SOCS5: variants seen among roughly 807,000 people sequenced by gnomAD.
SOCS5 encodes CIS-6.
A neutral mutation model predicts 42.8 loss-of-function variants in SOCS5; 32 were observed. The ratio of observed to expected loss-of-function variants is 0.75; its 90% CI spans 0.56 to 1.01. The LOEUF (loss-of-function observed/expected upper bound fraction) is 1.01, where lower values mean the gene tolerates loss of function less well. SOCS5 is among the 50% of genes least tolerant of loss of function. The pLI, the probability that SOCS5 is intolerant of heterozygous loss-of-function variation, is 0.00. For synonymous variants in SOCS5, 283 were observed against 229.6 expected, an observed-to-expected ratio of 1.23 and a Z score of -2.10; for missense variants, 627 against 653.0, an observed-to-expected ratio of 0.96 and a Z score of 0.43.
At chr2:46,731,806 A>G (rs1374670980) in intron 1 of SOCS5, among the ~76,000 whole-genome samples, 2 of 152,268 alleles carry the variant, frequency 1.3e-5, no homozygotes, top group Non-Finnish European at 2.9e-5. Context: ...TAGGAACCTA[A>G]TAAAAATGAT....
intron 1 of SOCS5, among the ~76,000 whole-genome samples, chr2:46,727,435 C>T (rs1250030143): frequency 6.6e-6 from 1 of 152,122 alleles, no homozygotes; most frequent in African/African-American, 2.4e-5. Context: ...TGGGCATCTT[C>T]AATATTACAT....
At chr2:46,745,395 C>T (rs1673475456) in intron 1 of SOCS5, among the ~76,000 whole-genome samples, 5 of 152,272 alleles carry the variant, frequency 3.3e-5, no homozygotes, top group East Asian at 1.9e-4. Flanking sequence ...GCTGACACTA[C>T]ATTTACATTG....
intron 1 of SOCS5, among the ~76,000 whole-genome samples, chr2:46,738,905 A>G (rs1324567525): frequency 6.6e-6 from 1 of 152,236 alleles, no homozygotes; most frequent in Non-Finnish European, 1.5e-5. Context: ...AGTAAGTAAG[A>G]TGCAGAACCA....
At chr2:46,720,182 A>G (rs1672848218) in intron 1 of SOCS5, among the ~76,000 whole-genome samples, 2 of 152,192 alleles carry the variant, frequency 1.3e-5, no homozygotes, top group Non-Finnish European at 2.9e-5. Context: ...AGATAATCCA[A>G]GTAAAGTGAT....
chr2:46,713,571 A>C (rs1225916738), intron 1 of SOCS5, among the ~76,000 whole-genome samples: 12 of 151,878 alleles, frequency 7.9e-5, no homozygotes, highest in African/African-American at 2.7e-4. Context: ...ATCTAACTTG[A>C]GAAAGGAATA....
intron 1 of SOCS5, among the ~76,000 whole-genome samples, chr2:46,725,305 A>G (rs1672967575): frequency 6.6e-6 from 1 of 152,034 alleles, no homozygotes; most frequent in Non-Finnish European, 1.5e-5. Flanking sequence ...CATCCTTTTC[A>G]AAAAAATCTA....
intron 1 of SOCS5, among the ~76,000 whole-genome samples, chr2:46,736,415 C>A (rs1673247543): frequency 6.6e-6 from 1 of 152,090 alleles, no homozygotes; most frequent in Non-Finnish European, 1.5e-5. Flanking sequence ...CCATCATCAC[C>A]ATCTATCTGC....
chr2:46,758,963 A>T lies in SOCS5; in HGVS notation c.433A>T (p.Thr145Ser), dbSNP rs143799189. ...SLDADKKFGR[T>S]RSGLQRRERR... ...GGATGCTGATAAAAAGTTTGGTAGA[A>T]CTCGAAGTGGACTTCAAAGGAGAGA... Residue 145 changes from threonine (T) to serine (S), a missense_variant, in exon 2 of 2, where the codon ACT becomes TCT. Coordinates refer to ENST00000394861, the MANE Select transcript of SOCS5 (RefSeq NM_144949.3). 2.5e-5 allele frequency: 40 copies of T among 1,613,976 alleles called. No individual in the cohort carries two copies. In the African/African-American group the frequency reaches 4.7e-4, roughly 19 times the overall value.
At chr2:46,734,417 T>C (rs1026471680) in intron 1 of SOCS5, among the ~76,000 whole-genome samples, 2 of 152,198 alleles carry the variant, frequency 1.3e-5, no homozygotes, top group Non-Finnish European at 2.9e-5. Flanking sequence ...GAAACCTGCA[T>C]ACAGGTATAG....
intron 1 of SOCS5, among the ~76,000 whole-genome samples, chr2:46,717,860 G>A (rs1672784440): frequency 6.6e-6 from 1 of 151,870 alleles, no homozygotes; most frequent in Non-Finnish European, 1.5e-5. Flanking sequence ...TAGTTGTTTG[G>A]TTCATACTGT....
Position 46,754,313 on chromosome 2 carries a change from A to G in SOCS5, c.-12-4206A>G, listed in dbSNP as rs184175855. Among the ~76,000 whole-genome samples, 3 of 152,202 alleles carry G rather than the reference A, an allele frequency of 2.0e-5. No individual in the cohort carries two copies. The East Asian group carries it at 5.8e-4, about 29-fold the overall frequency. ...GATGAATTCTTAGCTTAAAATCCTT[A>G]TAGATCTTTACAATATTTTTTCCAT... On this transcript the variant is annotated intron_variant, in intron 1 of 1. Coordinates refer to ENST00000394861, the MANE Select transcript of SOCS5 (RefSeq NM_144949.3).
chr2:46,699,228 G>A (rs1001066839), upstream of SOCS5: 4 of 152,434 alleles, frequency 2.6e-5, no homozygotes, highest in African/African-American at 9.6e-5. This position sits in a 1 kb window ranked among gnomAD's most constrained non-coding sequence, Gnocchi z 4.8. Flanking sequence ...GTGAAGAAGG[G>A]GAGGCGGCAG....
intron 1 of SOCS5, among the ~76,000 whole-genome samples, chr2:46,714,088 G>A (rs41444751): frequency 0.022 from 3,295 of 152,144 alleles, 128 homozygotes; most frequent in African/African-American, 0.075. Context: ...CTTGGTGAAC[G>A]TTCAATGTAT....
chr2:46,725,587 T>A (rs1275517241), intron 1 of SOCS5, among the ~76,000 whole-genome samples: 1 of 152,218 alleles, frequency 6.6e-6, no homozygotes, highest in African/African-American at 2.4e-5. Context: ...GTATTGTCTT[T>A]TATATTACAT....
At position 46,760,347 on chromosome 2, in the gene SOCS5, A is replaced by G. The variant is rs988175512; in HGVS notation, c.*206A>G. 21 of 499,236 alleles carry G rather than the reference A, an allele frequency of 4.2e-5. No individual in the cohort carries two copies. The South Asian group carries it at 6.1e-4, about 15-fold the overall frequency. The allele number at this position is 499,236 out of a possible 1,614,324, so 30.9% of individuals were successfully genotyped here. On this transcript the variant is annotated 3_prime_UTR_variant, in exon 2 of 2. Transcript: ENST00000394861. ...ATAGCGGATAGAGCTACAGGTGTTCAGTAAGACTACAAAAACATTTTGCCT... is the reference window on the plus strand; with the variant it reads ...ATAGCGGATAGAGCTACAGGTGTTCGGTAAGACTACAAAAACATTTTGCCT...
chr2:46,749,677 G>C (rs183434705), intron 1 of SOCS5, among the ~76,000 whole-genome samples: 1 of 152,242 alleles, frequency 6.6e-6, no homozygotes, highest in Non-Finnish European at 1.5e-5. Context: ...CCCTCCAAAT[G>C]AATAAGGACT....
chr2:46,746,750 A>G (rs935290460), intron 1 of SOCS5, among the ~76,000 whole-genome samples: 2 of 151,784 alleles, frequency 1.3e-5, no homozygotes, highest in African/African-American at 4.8e-5. Flanking sequence ...AGTACGGTAT[A>G]TAGTTATGTA....
At chr2:46,740,491 GA>G (rs1356688802) in intron 1 of SOCS5, among the ~76,000 whole-genome samples, 1 of 152,182 alleles carries the variant, frequency 6.6e-6, no homozygotes, top group African/African-American at 2.4e-5. Context: ...AAGAAATAGA[GA>G]TTGGCAGTTA....
At chr2:46,749,168 C>G (rs1353710559) in intron 1 of SOCS5, among the ~76,000 whole-genome samples, 2 of 152,122 alleles carry the variant, frequency 1.3e-5, no homozygotes. Flanking sequence ...GTTGGTTTGC[C>G]TAACGGAAGT....
Sources: gnomAD v4.1 joint callset for allele counts (sites outside exome capture counted in the v4.1 genomes callset) on GRCh38, gnomAD v4.1.1 for gene constraint, Gnocchi (gnomAD v3.1) non-coding constraint, MANE v1.5 for transcripts, NCBI Gene and HGNC (gene_info 2026-07-23, HGNC 2026-07-21) for gene names.